Variants in FAT3 observed in about 807,000 individuals in gnomAD.
FAT3 encodes the protein protocadherin Fat 3.
A neutral mutation model predicts 310.2 loss-of-function variants in FAT3; 95 were observed. The ratio of observed to expected loss-of-function variants is 0.31; its 90% CI spans 0.26 to 0.36. The LOEUF (loss-of-function observed/expected upper bound fraction) is 0.36. FAT3 is among the 10% of genes least tolerant of loss of function. FAT3 has a pLI of 1.00. For missense variants in FAT3, 5,408 were observed against 5,715.6 expected, an observed-to-expected ratio of 0.95 and a Z score of 1.74; for synonymous variants, 2,314 against 2,192.9, an observed-to-expected ratio of 1.06 and a Z score of -1.54.
intron 1 of FAT3, among the ~76,000 whole-genome samples, chr11:92,307,235 A>G (rs772773143): frequency 6.8e-6 from 1 of 147,072 alleles, no homozygotes; most frequent in Non-Finnish European, 1.5e-5. Context: ...GCAGTTCCAT[A>G]CAAGATAACA....
intron 7 of FAT3, among the ~76,000 whole-genome samples, chr11:92,786,138 A>G (rs888905531): frequency 1.3e-5 from 2 of 152,184 alleles, no homozygotes; most frequent in Admixed American, 6.6e-5. Flanking sequence ...TAATCGCAGT[A>G]TGCCAGGAAA....
chr11:92,798,337 C>A lies in FAT3; in HGVS notation c.5324C>A (p.Ser1775Ter). The A allele has an allele frequency of 6.2e-7, 1 of 1,613,688 alleles. No homozygotes were observed. Among genetic ancestry groups the A allele is most frequent in the South Asian group, 1.1e-5 (1 of 91,040 alleles). Residue 1775 changes from serine to a stop codon, truncating the protein, a stop_gained, in exon 10 of 28, where the codon TCA becomes TAA. Transcript: ENST00000525166. LOFTEE classifies it high-confidence loss of function. The stretch of plus-strand genomic sequence containing the variant: ...CCAGTTTTTCTCTTTTCTCAATACT[C>A]AGGCAGCCTAAGTGAGGCTGCCCCA... ...NAPVFLFSQY[S>*]GSLSEAAPIN...
intron 1 of FAT3, among the ~76,000 whole-genome samples, chr11:92,293,131 G>A (rs1488994890): frequency 2.0e-5 from 3 of 151,726 alleles, no homozygotes; most frequent in African/African-American, 7.3e-5. Flanking sequence ...ATGACCTGAA[G>A]TGATAGAGGA....
At chr11:92,736,048 G>A (rs1032001993) in intron 4 of FAT3, among the ~76,000 whole-genome samples, 1 of 152,152 alleles carries the variant, frequency 6.6e-6, no homozygotes, top group Non-Finnish European at 1.5e-5. Flanking sequence ...CAGAAGCAAT[G>A]TTTTTCTCTT....
At chr11:92,390,221 T>C (rs1408706348) in intron 2 of FAT3, among the ~76,000 whole-genome samples, 1 of 152,116 alleles carries the variant, frequency 6.6e-6, no homozygotes, top group African/African-American at 2.4e-5. Context: ...ATCTAAAAGC[T>C]TTCCTCCCTA....
intron 1 of FAT3, among the ~76,000 whole-genome samples, chr11:92,269,212 A>ACAGATT (rs1565191289): frequency 2.0e-5 from 3 of 152,254 alleles, no homozygotes; most frequent in African/African-American, 7.2e-5. Context: ...CGCAATGTTG[A>ACAGATT]CAGATTCCAG....
intron 4 of FAT3, among the ~76,000 whole-genome samples, chr11:92,724,272 C>G (rs1944937617): frequency 6.6e-6 from 1 of 152,140 alleles, no homozygotes; most frequent in Admixed American, 6.5e-5. Flanking sequence ...GCCCCTCATC[C>G]TTTAGGTTGG....
intron 2 of FAT3, among the ~76,000 whole-genome samples, chr11:92,492,202 T>G (rs1368722374): frequency 6.6e-6 from 1 of 152,052 alleles, no homozygotes; most frequent in Non-Finnish European, 1.5e-5. Flanking sequence ...GTTAAAATAA[T>G]CCTATTTAAT....
intron 24 of FAT3, 57 bp from the exon 25 acceptor site, chr11:92,886,943 G>A: frequency 1.4e-6 from 2 of 1,422,998 alleles, no homozygotes; most frequent in Non-Finnish European, 1.9e-6. Context: ...GGTGGGACTG[G>A]AAATAGGCAC....
chr11:92,391,142 G>A (rs918105585), intron 2 of FAT3, among the ~76,000 whole-genome samples: 1 of 152,206 alleles, frequency 6.6e-6, no homozygotes, highest in African/African-American at 2.4e-5. Flanking sequence ...GAAGTCAGCA[G>A]ATTTGATTTT....
chr11:92,503,466 T>C (rs1488783312), intron 2 of FAT3, among the ~76,000 whole-genome samples: 4 of 152,066 alleles, frequency 2.6e-5, no homozygotes, highest in Non-Finnish European at 4.4e-5. Context: ...TGAAGCAACT[T>C]TATGAGATAG....
intron 1 of FAT3, among the ~76,000 whole-genome samples, chr11:92,228,181 C>T (rs1298012107): frequency 6.6e-6 from 1 of 152,200 alleles, no homozygotes; most frequent in African/African-American, 2.4e-5. Context: ...CAGTCAGCTG[C>T]TGGGCTGGCT....
intron 2 of FAT3, among the ~76,000 whole-genome samples, chr11:92,499,818 T>C (rs2135268618): frequency 6.6e-6 from 1 of 151,890 alleles, no homozygotes; most frequent in East Asian, 1.9e-4. Context: ...TAGCTGGTGT[T>C]GGAAGTGGAT....
intron 1 of FAT3, chr11:92,314,458 G>T (rs1418144390): frequency 5.4e-6 from 1 of 184,396 alleles, no homozygotes; most frequent in Non-Finnish European, 1.0e-5. Context: ...CAGTAGAGGG[G>T]TAAGTATATA....
chr11:92,245,910 G>T (rs1197692568), intron 1 of FAT3, among the ~76,000 whole-genome samples: 1 of 152,092 alleles, frequency 6.6e-6, no homozygotes, highest in Non-Finnish European at 1.5e-5. Flanking sequence ...TGCGCAATGG[G>T]GGAAGACCCA....
intron 2 of FAT3, among the ~76,000 whole-genome samples, chr11:92,500,611 C>G (rs1173918631): frequency 6.6e-6 from 1 of 151,864 alleles, no homozygotes; most frequent in African/African-American, 2.4e-5. Context: ...GAACAAAGTG[C>G]GAAGAGGTAA....
chr11:92,755,799 A>G (rs1301300885), intron 4 of FAT3, among the ~76,000 whole-genome samples: 1 of 152,210 alleles, frequency 6.6e-6, no homozygotes, highest in African/African-American at 2.4e-5. Flanking sequence ...CAGGTCCCAG[A>G]TATTACAGAG....
At chr11:92,375,310 AT>A (rs1458406615) in intron 2 of FAT3, among the ~76,000 whole-genome samples, 1 of 151,714 alleles carries the variant, frequency 6.6e-6, no homozygotes, top group Non-Finnish European at 1.5e-5. Context: ...ATTTATTTTT[AT>A]TTTTATCTTT....
At chr11:92,623,751 G>A (rs1365971350) in intron 3 of FAT3, among the ~76,000 whole-genome samples, 2 of 152,104 alleles carry the variant, frequency 1.3e-5, no homozygotes, top group Admixed American at 6.5e-5. Context: ...AGACCATCCT[G>A]GCTAACATGG....
Sources: allele counts gnomAD v4.1 joint callset (sites outside exome capture counted in the v4.1 genomes callset), GRCh38; gene constraint gnomAD v4.1.1; transcripts MANE v1.5; gene names NCBI Gene and HGNC (gene_info 2026-07-23, HGNC 2026-07-21).